Variants in MYZAP observed in about 807,000 individuals in gnomAD.
MYZAP encodes the protein myocardial zonula adherens protein.
In MYZAP, 66 loss-of-function variants were observed where a neutral mutation model predicts 69.4. The ratio of observed to expected loss-of-function variants is 0.95; its 90% CI spans 0.78 to 1.17. The LOEUF is 1.17. MYZAP is among the 50% of genes most tolerant of loss of function. The pLI is 0.00. For missense variants in MYZAP, 611 were observed against 556.2 expected (o/e 1.10, Z -0.99); for synonymous variants, 256 against 205.9 (o/e 1.24, Z -2.09).
chr15:57,650,216 G>T (rs1426745905), intron 10 of MYZAP, among the ~76,000 whole-genome samples: 1 of 151,998 alleles, frequency 6.6e-6, no homozygotes, highest in Non-Finnish European at 1.5e-5. Flanking sequence ...CATTGTCTTT[G>T]AACAATCCTG....
Position 57,668,499 on chromosome 15 carries a change from TAGGTTTTCTGGCTTTGAA to T in MYZAP, c.1204-6466_1204-6449del, listed in dbSNP as rs531878279. ...GTTATAGCTTTTAGAATTTGTCTAGTAGGTTTTCTGGCTTTGAAAGCTCCAAAATAAAAATAAAAACAA... is the reference window on the plus strand; with the variant it reads ...GTTATAGCTTTTAGAATTTGTCTAGTAGCTCCAAAATAAAAATAAAAACAA... On this transcript the variant is annotated intron_variant, in intron 11 of 12. Transcript: ENST00000267853. Among the ~76,000 whole-genome samples, 1,141 of 152,276 alleles carry T rather than the reference TAGGTTTTCTGGCTTTGAA, an allele frequency of 7.5e-3. 9 individuals carry two copies. The highest frequency in any genetic ancestry group is 0.049 in the South Asian group (235 of 4,818).
Position 57,639,344 on chromosome 15 carries a change from G to A in MYZAP, c.1014-96G>A, listed in dbSNP as rs1202837863. ...TTACAGGCATGAGCCGCCATGCTTG[G>A]CGCTCTTGGCAATATTCTTTAAAGC... On this transcript the variant is annotated intron_variant, in intron 9 of 12. Coordinates refer to ENST00000267853, the MANE Select transcript of MYZAP (RefSeq NM_001018100.5). 12 of 1,319,606 alleles carry A rather than the reference G, an allele frequency of 9.1e-6. No individual in the cohort carries two copies. In the African/African-American group the frequency reaches 1.7e-4, roughly 19 times the overall value. The allele number at this position is 1,319,606 out of a possible 1,614,324, so 81.7% of individuals were successfully genotyped here. A position where few individuals can be genotyped will look rare whatever the true frequency, so the allele number is the denominator to read the frequency against.
intron 11 of MYZAP, among the ~76,000 whole-genome samples, chr15:57,665,345 A>C (rs2038515405): frequency 6.6e-6 from 1 of 152,272 alleles, no homozygotes; most frequent in Admixed American, 6.5e-5. Context: ...TGCAGAATTC[A>C]TAGGAGTTTG....
chr15:57,592,055 G>C lies in MYZAP; in HGVS notation c.21G>C (p.Thr7=). 2 of 1,423,234 alleles carry C rather than the reference G, an allele frequency of 1.4e-6. No homozygotes were observed. Among genetic ancestry groups the C allele is most frequent in the South Asian group, 2.9e-5 (2 of 69,228 alleles). The allele number at this position is 1,423,234 out of a possible 1,614,324, so 88.2% of individuals were successfully genotyped here. Residue 7 remains threonine, a synonymous_variant, in exon 1 of 13, where the codon ACG becomes ACC. Transcript: ENST00000267853. MLRSTS[T]VTLLSGGAAR... ...GCGGGATGCTGCGCTCCACGTCCACGGTCACCCTGCTCTCGGGCGGCGCCG... is the reference window on the plus strand; with the variant it reads ...GCGGGATGCTGCGCTCCACGTCCACCGTCACCCTGCTCTCGGGCGGCGCCG...
At position 57,617,554 on chromosome 15, in the gene MYZAP, T is replaced by G. The variant is rs558965478; in HGVS notation, c.163-479T>G. Among the ~76,000 whole-genome samples the G allele has an allele frequency of 3.6e-4, 55 of 152,244 alleles. 1 individual carries two copies. The highest frequency in any genetic ancestry group is 1.3e-3 in the African/African-American group (53 of 41,542). ...AGGTTATGTACTAACACTACCCCCTTTTCTTAGAACTTGGCCCCAGGACCA... is the reference window on the plus strand; with the variant it reads ...AGGTTATGTACTAACACTACCCCCTGTTCTTAGAACTTGGCCCCAGGACCA... On this transcript the variant is annotated intron_variant, in intron 2 of 12. Coordinates refer to ENST00000267853, the MANE Select transcript of MYZAP (RefSeq NM_001018100.5).
At chr15:57,598,957 C>G (rs1007033710) in intron 1 of MYZAP, among the ~76,000 whole-genome samples, 7 of 152,164 alleles carry the variant, frequency 4.6e-5, no homozygotes, top group African/African-American at 1.7e-4. Context: ...AGGGACTTTC[C>G]CATATATTCC....
At chr15:57,618,300 A>G (rs1595872858) in intron 3 of MYZAP, 112 bp downstream of exon 3, 2 of 1,464,212 alleles carry the variant, frequency 1.4e-6, no homozygotes, top group Non-Finnish European at 1.8e-6. Context: ...AAGAATTCTT[A>G]GTGTTATCAT....
chr15:57,593,521 G>A (rs375807519), intron 1 of MYZAP, among the ~76,000 whole-genome samples: 25 of 152,256 alleles, frequency 1.6e-4, no homozygotes, highest in African/African-American at 5.3e-4. Context: ...GGGATTAGTT[G>A]GGGTACCTAA....
chr15:57,641,606 C>T (rs1045701149), intron 10 of MYZAP, among the ~76,000 whole-genome samples: 6 of 152,130 alleles, frequency 3.9e-5, no homozygotes, highest in African/African-American at 1.4e-4. Flanking sequence ...TTAGCACCCC[C>T]TAGGGGCTGG....
intron 1 of MYZAP, chr15:57,599,365 TTTG>T: frequency 1.2e-6 from 1 of 847,204 alleles, no homozygotes; most frequent in South Asian, 4.3e-5. Context: ...TTTTTTTTTT[TTTG>T]CCATCGTCGT....
intron 10 of MYZAP, among the ~76,000 whole-genome samples, chr15:57,660,461 C>T (rs2038230840): frequency 6.6e-6 from 1 of 151,892 alleles, no homozygotes; most frequent in African/African-American, 2.4e-5. Context: ...ACTACAGGGA[C>T]ACACCACCAC....
chr15:57,632,673 T>TG, intron 7 of MYZAP, 114 bp downstream of exon 7: 1 of 1,504,272 alleles, frequency 6.6e-7, no homozygotes, highest in Non-Finnish European at 8.9e-7. Context: ...GACTCAGCCA[T>TG]GGGTAAGGGA....
chr15:57,678,742 A>G (rs1309844821), intron 12 of MYZAP, among the ~76,000 whole-genome samples: 2 of 152,142 alleles, frequency 1.3e-5, no homozygotes, highest in Non-Finnish European at 1.5e-5. Context: ...TGCTGTAGGC[A>G]TGGGGCACTT....
chr15:57,625,991 A>C, intron 5 of MYZAP, 99 bp downstream of exon 5: 2 of 1,031,292 alleles, frequency 1.9e-6, no homozygotes, highest in Non-Finnish European at 3.0e-6. Flanking sequence ...TCCTTAGCTC[A>C]TGATTCAGAA....
chr15:57,639,155 C>T (rs544350281), intron 9 of MYZAP, among the ~76,000 whole-genome samples: 2 of 151,902 alleles, frequency 1.3e-5, no homozygotes, highest in African/African-American at 2.4e-5. Context: ...TTTAAATTTA[C>T]GTTTATTTTT....
In MYZAP at chr15:57,592,114, G is replaced by A; in HGVS notation, c.75+5G>A. 2 of 1,329,646 alleles carry A rather than the reference G, an allele frequency of 1.5e-6. No homozygotes were observed. Among genetic ancestry groups the A allele is most frequent in the Non-Finnish European group, 1.9e-6 (2 of 1,043,156 alleles). The allele number at this position is 1,329,646 out of a possible 1,614,324, so 82.4% of individuals were successfully genotyped here. On this transcript the variant is annotated splice_donor_5th_base_variant and intron_variant, in intron 1 of 12. Coordinates refer to ENST00000267853, the MANE Select transcript of MYZAP (RefSeq NM_001018100.5). ...CCCGGGGCGCCCAGCAGGAGGGTGAGTAGCGGGGGCGGGAGCCGCCGCCGT... is the reference window on the plus strand; with the variant it reads ...CCCGGGGCGCCCAGCAGGAGGGTGAATAGCGGGGGCGGGAGCCGCCGCCGT...
chr15:57,599,535 A>G (rs1379843682), intron 1 of MYZAP: 38 of 1,255,218 alleles, frequency 3.0e-5, no homozygotes, highest in Non-Finnish European at 3.8e-5. Flanking sequence ...GGTAGGATGC[A>G]GTTCTTCGCA....
chr15:57,617,538 A>C (rs1173440653), intron 2 of MYZAP, among the ~76,000 whole-genome samples: 1 of 152,158 alleles, frequency 6.6e-6, no homozygotes, highest in East Asian at 1.9e-4. Context: ...CAGGTTATGT[A>C]CTAACACTAC....
chr15:57,682,000 T>G (rs574694893), intron 12 of MYZAP, among the ~76,000 whole-genome samples: 2 of 152,170 alleles, frequency 1.3e-5, no homozygotes, highest in South Asian at 4.1e-4. Flanking sequence ...AGGCTTCATA[T>G]ACACATTTTG....
Sources: gnomAD v4.1 joint callset for allele counts (sites outside exome capture counted in the v4.1 genomes callset) on GRCh38, gnomAD v4.1.1 for gene constraint, MANE v1.5 for transcripts, NCBI Gene and HGNC (gene_info 2026-07-23, HGNC 2026-07-21) for gene names.